The following CDO1 variants were observed in gnomAD, a reference collection of about 807,000 sequenced individuals.
CDO1 encodes cysteine dioxygenase type 1.
CDO1 carries 19 observed loss-of-function variants against 24.5 expected under a neutral mutation model. The observed-to-expected ratio is 0.77, with a 90% CI of 0.54 to 1.14. CDO1 has a LOEUF of 1.14. Among genes scored for constraint, CDO1 ranks in the 50% most tolerant of loss-of-function variants. CDO1 has a pLI of 0.00. For synonymous variants in CDO1, 91 were observed against 87.0 expected (o/e 1.05, Z -0.26); for missense variants, 244 against 244.8 (o/e 1.00, Z 0.02).
Position 115,816,598 on chromosome 5 carries a change from C to T in CDO1, c.-201G>A. On this transcript the variant is annotated 5_prime_UTR_variant, in exon 1 of 5. Coordinates refer to ENST00000250535, the MANE Select transcript of CDO1 (RefSeq NM_001801.3). Reference sequence around the variant, plus strand: ...AAGAGACCCACCCCCAGGCCCCTGGCAGCGCAGTGGATCCGGGATCGCTGG... The same window carrying T: ...AAGAGACCCACCCCCAGGCCCCTGGTAGCGCAGTGGATCCGGGATCGCTGG... The T allele has an allele frequency of 3.4e-6, 2 of 593,808 alleles. No homozygotes were observed. The highest frequency in any genetic ancestry group is 6.0e-6 in the Non-Finnish European group (2 of 335,148). 36.8% of individuals were successfully genotyped at this position (593,808 alleles called of 1,614,324 possible). A position where few individuals can be genotyped will look rare whatever the true frequency, so the allele number is the denominator to read the frequency against.
intron 2 of CDO1, 114 bp from the exon 3 acceptor site, chr5:115,811,429 C>G (rs894922474): frequency 2.1e-5 from 14 of 682,390 alleles, no homozygotes; most frequent in Non-Finnish European, 3.1e-5. Flanking sequence ...ATCTCCCCAG[C>G]CAAAATCCAT....
chr5:115,810,980 A>T (rs934766041), intron 3 of CDO1, among the ~76,000 whole-genome samples, 181 bp downstream of exon 3: 22 of 152,222 alleles, frequency 1.4e-4, no homozygotes, highest in Admixed American at 6.5e-5. Context: ...TCAATAAGTG[A>T]TTCCAACCAA....
At position 115,805,343 on chromosome 5, in the gene CDO1, A is replaced by T. The variant is rs1759894757; in HGVS notation, c.*90T>A. On this transcript the variant is annotated 3_prime_UTR_variant, in exon 5 of 5. Transcript: ENST00000250535. ...TCTAAGTATTGGCTTATTTAAGTAT[A>T]TTACTGGATAGCACGTGGTAGGTAG... 1 of 1,089,254 alleles carries T rather than the reference A, an allele frequency of 9.2e-7. No homozygotes were observed. Among genetic ancestry groups the T allele is most frequent in the African/African-American group, 1.6e-5 (1 of 62,258 alleles). The allele number at this position is 1,089,254 out of a possible 1,614,324, so 67.5% of individuals were successfully genotyped here. A position where few individuals can be genotyped will look rare whatever the true frequency, so the allele number is the denominator to read the frequency against.
In CDO1 at chr5:115,813,260, T is replaced by C; in HGVS notation, c.171-2A>G. On this transcript the variant is annotated splice_acceptor_variant, in intron 1 of 4. Transcript: ENST00000250535. LOFTEE classifies it high-confidence loss of function. The stretch of plus-strand genomic sequence containing the variant: ...TGATCCACAAGATTTCGGGTATACC[T>C]AAAAAAAAACAATATATTCAGAAGT... The C allele has an allele frequency of 6.6e-7, 1 of 1,504,578 alleles. No homozygotes were observed. The highest frequency in any genetic ancestry group is 9.2e-7 in the Non-Finnish European group (1 of 1,087,650). The allele number at this position is 1,504,578 out of a possible 1,614,324, so 93.2% of individuals were successfully genotyped here. A position where few individuals can be genotyped will look rare whatever the true frequency, so the allele number is the denominator to read the frequency against.
intron 3 of CDO1, among the ~76,000 whole-genome samples, chr5:115,808,516 A>G (rs766021649): frequency 6.6e-5 from 10 of 152,162 alleles, no homozygotes; most frequent in Non-Finnish European, 1.3e-4. Context: ...GCATCAACCA[A>G]GAATGAAAAA....
At chr5:115,814,991 G>T (rs980738362) in intron 1 of CDO1, among the ~76,000 whole-genome samples, 1 of 152,286 alleles carries the variant, frequency 6.6e-6, no homozygotes, top group African/African-American at 2.4e-5. Context: ...TAAGCTGATA[G>T]GAGCCAAAGG....
intron 3 of CDO1, among the ~76,000 whole-genome samples, chr5:115,808,975 A>G (rs550846895): frequency 2.0e-5 from 3 of 152,294 alleles, no homozygotes; most frequent in Admixed American, 1.3e-4. Context: ...TAGCGATGCT[A>G]TCTTTGAACA....
Position 115,816,324 on chromosome 5 carries a change from C to A in CDO1, c.74G>T (p.Gly25Val), listed in dbSNP as rs763321323. Residue 25 changes from glycine to valine, a missense_variant, in exon 1 of 5, where the codon GGC becomes GTC. Physicochemically the swap from Gly to Val is moderately radical, Grantham distance 109. Coordinates refer to ENST00000250535, the MANE Select transcript of CDO1 (RefSeq NM_001801.3). ...LIRILHQLFA[G>V]DEVNVEEVQA... ...CACCTCCTCTACATTGACCTCATCG[C>A]CGGCAAAGAGCTGGTGCAGGATGCG... The A allele has an allele frequency of 1.2e-6, 2 of 1,614,008 alleles. No homozygotes were observed. Among genetic ancestry groups the A allele is most frequent in the African/African-American group, 1.3e-5 (1 of 74,918 alleles).
Position 115,816,474 on chromosome 5 carries a change from G to T in CDO1, c.-77C>A, listed in dbSNP as rs1056283507. 2.0e-6 allele frequency: 3 copies of T among 1,532,632 alleles called. No homozygotes were observed. Among genetic ancestry groups the T allele is most frequent in the East Asian group, 4.5e-5 (2 of 44,330 alleles). 94.9% of individuals were successfully genotyped at this position (1,532,632 alleles called of 1,614,324 possible). A position where few individuals can be genotyped will look rare whatever the true frequency, so the allele number is the denominator to read the frequency against. On this transcript the variant is annotated 5_prime_UTR_variant, in exon 1 of 5. Coordinates refer to ENST00000250535, the MANE Select transcript of CDO1 (RefSeq NM_001801.3). Reference sequence around the variant, plus strand: ...AGCTGAGCGAGCCAAGGAGCTGGGGGCGAGGGAGCCTAACAGCCCGCTAGA... The same window carrying T: ...AGCTGAGCGAGCCAAGGAGCTGGGGTCGAGGGAGCCTAACAGCCCGCTAGA...
rs776970866 is a variant in CDO1, at chr5:115,816,291, A to G, written c.107T>C (p.Ile36Thr). 5.6e-6 allele frequency: 9 copies of G among 1,614,146 alleles called. No individual in the cohort carries two copies. In the South Asian group the frequency reaches 8.8e-5, roughly 16 times the overall value. Reference protein sequence around the residue: ...DEVNVEEVQAIMEAYESDPTE... With the variant: ...DEVNVEEVQATMEAYESDPTE... ...GGGGTCGCTCTCGTAGGCTTCCATG[A>G]TGGCCTGCACCTCCTCTACATTGAC... The change falls in exon 1 of 5, where the codon ATC becomes ACC. Residue 36 changes from isoleucine to threonine, a missense_variant. Coordinates refer to ENST00000250535, the MANE Select transcript of CDO1 (RefSeq NM_001801.3).
Position 115,816,336 on chromosome 5 carries a change from T to A in CDO1, c.62A>T (p.Gln21Leu), listed in dbSNP as rs1174018977. The A allele has an allele frequency of 6.2e-7, 1 of 1,614,014 alleles. No individual in the cohort carries two copies. The highest frequency in any genetic ancestry group is 8.5e-7 in the Non-Finnish European group (1 of 1,180,012). Reference sequence around the variant, plus strand: ...ATTGACCTCATCGCCGGCAAAGAGCTGGTGCAGGATGCGGATCAGATCAGC... The same window carrying A: ...ATTGACCTCATCGCCGGCAAAGAGCAGGTGCAGGATGCGGATCAGATCAGC... ...TLADLIRILH[Q>L]LFAGDEVNVE... The change falls in exon 1 of 5, where the codon CAG (glutamine) becomes CTG (leucine). Residue 21 changes from glutamine to leucine, a missense_variant. By Grantham distance (113) the Gln-to-Leu change is moderately radical. Transcript: ENST00000250535.
rs972469920 is a variant in CDO1 at position 115,816,633 on chromosome 5, G to A, written c.-236C>T. On this transcript the variant is annotated 5_prime_UTR_variant, in exon 1 of 5. Transcript: ENST00000250535. Reference sequence around the variant, plus strand: ...GATCCGGGATCGCTGGAGACGCGGTGCACACACAAATCAGGTTCAGATCTG... The same window carrying A: ...GATCCGGGATCGCTGGAGACGCGGTACACACACAAATCAGGTTCAGATCTG... The A allele has an allele frequency of 4.7e-5, 26 of 549,386 alleles. No individual in the cohort carries two copies. In the Middle Eastern group the frequency reaches 1.5e-3, roughly 31 times the overall value. The allele number at this position is 549,386 out of a possible 1,614,324, so 34.0% of individuals were successfully genotyped here.
chr5:115,808,916 G>A (rs1217577337), intron 3 of CDO1, among the ~76,000 whole-genome samples: 1 of 152,206 alleles, frequency 6.6e-6, no homozygotes, highest in Admixed American at 6.5e-5. Flanking sequence ...ACATCATAAA[G>A]AAGAATGAAG....
chr5:115,816,219 C>T lies in CDO1; in HGVS notation c.170+9G>A, dbSNP rs764310303. The T allele has an allele frequency of 1.2e-6, 2 of 1,609,730 alleles. No homozygotes were observed. Among genetic ancestry groups the T allele is most frequent in the African/African-American group, 1.3e-5 (1 of 74,708 alleles). On this transcript the variant is annotated intron_variant, in intron 1 of 4. Coordinates refer to ENST00000250535, the MANE Select transcript of CDO1 (RefSeq NM_001801.3). ...GCGCCGCCTGGCATTGAAGCTGCAG[C>T]GCGCTCACCTGTACTGGTCGAACTT...
intron 1 of CDO1, 121 bp downstream of exon 1, chr5:115,816,107 G>A: frequency 1.1e-6 from 1 of 870,002 alleles, no homozygotes; most frequent in Non-Finnish European, 1.7e-6. Context: ...GGGGGCGAGC[G>A]GCGGACGCAG....
At chr5:115,807,206 T>G (rs1393779488) in intron 3 of CDO1, among the ~76,000 whole-genome samples, 1 of 152,216 alleles carries the variant, frequency 6.6e-6, no homozygotes, top group Non-Finnish European at 1.5e-5. Context: ...ACAAGATTTT[T>G]CTTTCCAGGC....
chr5:115,815,966 TG>T (rs1218954487), intron 1 of CDO1, among the ~76,000 whole-genome samples: 1 of 152,184 alleles, frequency 6.6e-6, no homozygotes, highest in Non-Finnish European at 1.5e-5. Flanking sequence ...AGACGCGCGG[TG>T]GCCTCCCTTC....
At chr5:115,809,319 G>T (rs1212807159) in intron 3 of CDO1, among the ~76,000 whole-genome samples, 1 of 152,074 alleles carries the variant, frequency 6.6e-6, no homozygotes, top group East Asian at 1.9e-4. Context: ...TTTCTTGGGG[G>T]TATTTATGAA....
Position 115,813,212 on chromosome 5 carries a change from T to G in CDO1, c.217A>C (p.Met73Leu), listed in dbSNP as rs1271754134. 1.9e-6 allele frequency: 3 copies of G among 1,600,974 alleles called. No homozygotes were observed. The highest frequency in any genetic ancestry group is 1.7e-6 in the Non-Finnish European group (2 of 1,168,410). Reference protein sequence around the residue: ...VDQGNGKFNLMILCWGEGHGS... With the variant: ...VDQGNGKFNLLILCWGEGHGS... Reference sequence around the variant, plus strand: ...TGTCCTTCACCCCAACAGAGAATCATCAGATTAAATTTTCCATTTCCTTGA... The same window carrying G: ...TGTCCTTCACCCCAACAGAGAATCAGCAGATTAAATTTTCCATTTCCTTGA... The change falls in exon 2 of 5, where the codon ATG becomes CTG. Residue 73 changes from methionine (M) to leucine (L), a missense_variant. Coordinates refer to ENST00000250535, the MANE Select transcript of CDO1 (RefSeq NM_001801.3).
Sources: gnomAD v4.1 joint callset for allele counts (sites outside exome capture counted in the v4.1 genomes callset) on GRCh38, gnomAD v4.1.1 for gene constraint, MANE v1.5 for transcripts, NCBI Gene and HGNC (gene_info 2026-07-23, HGNC 2026-07-21) for gene names.